The following PCDH9 variants were observed in gnomAD, a reference collection of about 807,000 sequenced individuals.
The protein encoded by PCDH9 is protocadherin-9.
PCDH9 carries 24 observed loss-of-function variants against 70.6 expected under a neutral mutation model. That is an observed-to-expected ratio of 0.34 (90% confidence interval 0.25 to 0.48). The LOEUF is 0.48. Ranked by LOEUF, PCDH9 falls within the 20% of genes least tolerant of loss-of-function variation. The pLI is 0.99. For missense variants in PCDH9, 1,281 were observed against 1,503.6 expected, an observed-to-expected ratio of 0.85 and a Z score of 2.45; for synonymous variants, 562 against 558.5, an observed-to-expected ratio of 1.01 and a Z score of -0.09.
At chr13:66,562,141 G>A (rs1162490187) in intron 4 of PCDH9, among the ~76,000 whole-genome samples, 1 of 152,016 alleles carries the variant, frequency 6.6e-6, no homozygotes, top group Non-Finnish European at 1.5e-5. Context: ...AAGTCAGTGA[G>A]AGCAAGAACC....
At chr13:66,760,844 C>A (rs1195328568) in intron 3 of PCDH9, among the ~76,000 whole-genome samples, 1 of 152,066 alleles carries the variant, frequency 6.6e-6, no homozygotes, top group Non-Finnish European at 1.5e-5. Flanking sequence ...CTGGGAGTGT[C>A]TATCTTATGC....
At position 67,225,713 on chromosome 13, in the gene PCDH9, G is replaced by A. The variant is rs780208217; in HGVS notation, c.2728C>T (p.Leu910=). 10 of 1,614,066 alleles carry A rather than the reference G, an allele frequency of 6.2e-6. No homozygotes were observed. In the Admixed American group the frequency reaches 1.0e-4, roughly 16 times the overall value. Residue 910 remains leucine (L), a synonymous_variant, in exon 2 of 5, where the codon CTG becomes TTG. Coordinates refer to ENST00000377865, the MANE Select transcript of PCDH9 (RefSeq NM_203487.3). ...AATCTTCCTATACTTTGCTCCTCCA[G>A]TTCAGCCGGCAGGCTTATTGTCCCA... ...INGTISLPAE[L]EEQSIGRFDW... is the part of the protein sequence containing the mutation.
intron 3 of PCDH9, among the ~76,000 whole-genome samples, chr13:66,655,317 T>G (rs2077913815): frequency 6.6e-6 from 1 of 152,182 alleles, no homozygotes; most frequent in South Asian, 2.1e-4. Flanking sequence ...GAATAAGGAC[T>G]AGAAAGGAGA....
At chr13:66,823,609 T>A (rs1422955069) in intron 3 of PCDH9, among the ~76,000 whole-genome samples, 3 of 152,084 alleles carry the variant, frequency 2.0e-5, no homozygotes, top group Non-Finnish European at 4.4e-5. Context: ...CATCTTTATA[T>A]AAGTTTAATT....
chr13:67,013,557 C>T (rs1337445970), intron 2 of PCDH9, among the ~76,000 whole-genome samples: 1 of 151,790 alleles, frequency 6.6e-6, no homozygotes, highest in East Asian at 1.9e-4. Context: ...TTTTTATACA[C>T]TATAATTATA....
At chr13:67,093,722 G>T (rs2086265020) in intron 2 of PCDH9, among the ~76,000 whole-genome samples, 1 of 152,086 alleles carries the variant, frequency 6.6e-6, no homozygotes, top group Non-Finnish European at 1.5e-5. Context: ...CAGACAGTGG[G>T]GCCCATGACT....
chr13:66,996,469 T>A (rs2084118419), intron 2 of PCDH9, among the ~76,000 whole-genome samples: 1 of 152,122 alleles, frequency 6.6e-6, no homozygotes, highest in Non-Finnish European at 1.5e-5. Context: ...AAGAGATATT[T>A]GAAAAAAGAT....
chr13:66,650,993 T>C (rs978312838), intron 3 of PCDH9, among the ~76,000 whole-genome samples: 2 of 151,952 alleles, frequency 1.3e-5, no homozygotes, highest in Middle Eastern at 3.4e-3. Flanking sequence ...CACATAATTA[T>C]GGAAACACAA....
At chr13:66,839,031 T>C (rs2081071389) in intron 3 of PCDH9, among the ~76,000 whole-genome samples, 1 of 152,104 alleles carries the variant, frequency 6.6e-6, no homozygotes, top group Non-Finnish European at 1.5e-5. Flanking sequence ...TTTAATCAGT[T>C]TCCTAATACA....
intron 2 of PCDH9, among the ~76,000 whole-genome samples, chr13:66,994,936 G>A (rs2084081080): frequency 1.3e-5 from 2 of 151,994 alleles, no homozygotes; most frequent in Admixed American, 1.3e-4. Context: ...CCTTTTAAAC[G>A]GGCTTAAGTT....
At chr13:66,859,572 C>T (rs1027280811) in intron 3 of PCDH9, among the ~76,000 whole-genome samples, 6 of 152,084 alleles carry the variant, frequency 3.9e-5, no homozygotes, top group Admixed American at 6.6e-5. Context: ...TTGAGTGCAA[C>T]TTTAGTGAAG....
intron 4 of PCDH9, among the ~76,000 whole-genome samples, chr13:66,618,237 C>T (rs1333544264): frequency 6.6e-6 from 1 of 152,154 alleles, no homozygotes; most frequent in East Asian, 1.9e-4. Context: ...CAAAGAACCT[C>T]ATCTTTAGCT....
At chr13:66,483,296 C>T (rs1594049319) in intron 4 of PCDH9, among the ~76,000 whole-genome samples, 1 of 152,058 alleles carries the variant, frequency 6.6e-6, no homozygotes, top group South Asian at 2.1e-4. Flanking sequence ...TACTGGCACA[C>T]GAATTATGGA....
At chr13:66,514,042 C>T (rs1959614233) in intron 4 of PCDH9, among the ~76,000 whole-genome samples, 1 of 152,078 alleles carries the variant, frequency 6.6e-6, no homozygotes, top group African/African-American at 2.4e-5. Context: ...TCCACATCCA[C>T]ATATTAGGAA....
Position 67,225,617 on chromosome 13 carries a change from C to T in PCDH9, c.2824G>A (p.Ala942Thr), listed in dbSNP as rs957266665. Residue 942 changes from alanine (A) to threonine (T), a missense_variant, in exon 2 of 5, where the codon GCT becomes ACT. Physicochemically the swap from Ala to Thr is moderately conservative, Grantham distance 58 (BLOSUM62 0). Transcript: ENST00000377865. ...AGATGAAAAGCAGGCTGTGGAGAAG[C>T]AGATTTGTAGTGCTTGGCCAGGTCA... ...SPDLAKHYKSASPQPAFHLKP... is the reference protein window; with the variant it reads ...SPDLAKHYKSTSPQPAFHLKP... The T allele has an allele frequency of 6.2e-7, 1 of 1,614,126 alleles. No individual in the cohort carries two copies. Among genetic ancestry groups the T allele is most frequent in the Admixed American group, 1.7e-5 (1 of 60,022 alleles).
chr13:66,548,819 C>T lies in PCDH9; in HGVS notation c.3340+82391G>A, dbSNP rs552739296. Among the ~76,000 whole-genome samples, 7 of 152,136 alleles carry T rather than the reference C, an allele frequency of 4.6e-5. No homozygotes were observed. The South Asian group carries it at 1.2e-3, about 27-fold the overall frequency. On this transcript the variant is annotated intron_variant, in intron 4 of 4. Transcript: ENST00000377865. ...GTTTACTTTTTAAATTTAAGAAACA[C>T]TCTCCCAGAGTAACCAAAACTTGAA...
chr13:66,377,659 T>C (rs191315277), intron 4 of PCDH9, among the ~76,000 whole-genome samples: 15 of 152,274 alleles, frequency 9.9e-5, no homozygotes, highest in African/African-American at 3.6e-4. Flanking sequence ...AAAAATATTT[T>C]TCTTCTGAAG....
At chr13:67,073,980 T>C (rs2085820926) in intron 2 of PCDH9, among the ~76,000 whole-genome samples, 1 of 152,118 alleles carries the variant, frequency 6.6e-6, no homozygotes, top group Non-Finnish European at 1.5e-5. Flanking sequence ...CTATAGACTT[T>C]CTGAAAGAAG....
chr13:66,652,464 A>G (rs1203063589), intron 3 of PCDH9, among the ~76,000 whole-genome samples: 1 of 152,102 alleles, frequency 6.6e-6, no homozygotes, highest in Non-Finnish European at 1.5e-5. Flanking sequence ...TAAAACATTG[A>G]TAAAAGAAAT....
Sources: gnomAD v4.1 joint callset for allele counts (sites outside exome capture counted in the v4.1 genomes callset) on GRCh38, gnomAD v4.1.1 for gene constraint, MANE v1.5 for transcripts, NCBI Gene and HGNC (gene_info 2026-07-23, HGNC 2026-07-21) for gene names.